Variants in ADGRL3 observed in about 807,000 individuals in gnomAD.
ADGRL3 encodes adhesion G protein-coupled receptor L3.
In ADGRL3, 62 loss-of-function variants were observed where a neutral mutation model predicts 153.5. The observed-to-expected ratio is 0.40, with a 90% confidence interval of 0.33 to 0.50. The LOEUF is 0.50. Among genes scored for constraint, ADGRL3 ranks in the 20% least tolerant of loss-of-function variants. The pLI is 0.47. For missense variants in ADGRL3, 1,641 were observed against 1,859.4 expected (o/e 0.88, Z 2.16); for synonymous variants, 710 against 672.5 (o/e 1.06, Z -0.86).
chr4:61,310,507 T>C (rs1172208070), intron 1 of ADGRL3, among the ~76,000 whole-genome samples: 2 of 152,110 alleles, frequency 1.3e-5, no homozygotes, highest in Non-Finnish European at 2.9e-5. Flanking sequence ...AAGTGATCAA[T>C]CCATTGGGAC....
chr4:61,999,467 A>C (rs920184683), intron 21 of ADGRL3, among the ~76,000 whole-genome samples: 12 of 152,248 alleles, frequency 7.9e-5, no homozygotes, highest in Admixed American at 2.6e-4. Flanking sequence ...ATTTAGATGC[A>C]TATTAGTTAT....
At chr4:62,060,781 T>A (rs1739675203) in intron 25 of ADGRL3, among the ~76,000 whole-genome samples, 1 of 151,928 alleles carries the variant, frequency 6.6e-6, no homozygotes, top group Non-Finnish European at 1.5e-5. Flanking sequence ...AAATACCATA[T>A]ATTTGATTCA....
At chr4:61,812,845 G>T (rs1473377605) in intron 8 of ADGRL3, among the ~76,000 whole-genome samples, 2 of 152,216 alleles carry the variant, frequency 1.3e-5, no homozygotes, top group Middle Eastern at 6.8e-3. Flanking sequence ...AAAATGTTTT[G>T]CAAGGAAGAC....
rs1413402928 is a variant in ADGRL3, at chr4:61,598,424, A to G, written c.473+10984A>G. Among the ~76,000 whole-genome samples the G allele has an allele frequency of 5.9e-5, 9 of 152,344 alleles. No homozygotes were observed. The East Asian group carries it at 1.7e-3, about 29-fold the overall frequency. ...TCAGATACATATCTATACATATGTCATAGCTGTAATTCATTATAAAATAAT... is the reference window on the plus strand; with the variant it reads ...TCAGATACATATCTATACATATGTCGTAGCTGTAATTCATTATAAAATAAT... On this transcript the variant is annotated intron_variant, in intron 5 of 26. Transcript: ENST00000683033.
At chr4:61,498,438 T>G (rs1044624072) in intron 3 of ADGRL3, among the ~76,000 whole-genome samples, 3 of 151,812 alleles carry the variant, frequency 2.0e-5, no homozygotes, top group Admixed American at 2.0e-4. Flanking sequence ...TAGTCCCAGC[T>G]ACTCGGGAGG....
chr4:61,892,747 C>T lies in ADGRL3; in HGVS notation c.1572C>T (p.Thr524=), dbSNP rs1439163673. The part of the protein sequence containing the change: ...TTTLSPGRST[T]PSVSGRRNRS... ...CTTTGAGCCCAGGAAGGAGTACCACCCCGTCAGTGTCAGGAAGAAGAAACC... is the reference window on the plus strand; with the variant it reads ...CTTTGAGCCCAGGAAGGAGTACCACTCCGTCAGTGTCAGGAAGAAGAAACC... The change falls in exon 10 of 27, where the codon ACC becomes ACT. Residue 524 remains threonine, a synonymous_variant. Coordinates refer to ENST00000683033, the MANE Select transcript of ADGRL3 (RefSeq NM_001387552.1). The T allele has an allele frequency of 3.1e-6, 5 of 1,613,832 alleles. No individual in the cohort carries two copies. In the Admixed American group the frequency reaches 6.7e-5, roughly 22 times the overall value.
chr4:61,758,660 G>C (rs1042048038), intron 8 of ADGRL3, among the ~76,000 whole-genome samples: 10 of 152,094 alleles, frequency 6.6e-5, no homozygotes, highest in Non-Finnish European at 1.5e-4. Context: ...CTTTTAATGG[G>C]AGCATTTAGC....
At chr4:61,788,937 T>C (rs1188602388) in intron 8 of ADGRL3, among the ~76,000 whole-genome samples, 1 of 152,126 alleles carries the variant, frequency 6.6e-6, no homozygotes, top group Non-Finnish European at 1.5e-5. Flanking sequence ...TATGGAATCT[T>C]AAATAAAGAT....
Position 61,372,079 on chromosome 4 carries a change from A to G in ADGRL3, c.-239-11045A>G, listed in dbSNP as rs960400194. Among the ~76,000 whole-genome samples, 6 of 152,112 alleles carry G rather than the reference A, an allele frequency of 3.9e-5. No individual in the cohort carries two copies. The East Asian group carries it at 1.2e-3, about 29-fold the overall frequency. Reference sequence around the variant, plus strand: ...TTCTCGAGCCTTGGTTTTCAGCTCCATCAGCTCCTTTAAGCACTTCTCTGT... The same window carrying G: ...TTCTCGAGCCTTGGTTTTCAGCTCCGTCAGCTCCTTTAAGCACTTCTCTGT... On this transcript the variant is annotated intron_variant, in intron 1 of 26. Transcript: ENST00000683033.
intron 5 of ADGRL3, among the ~76,000 whole-genome samples, chr4:61,676,040 CAA>C: frequency 6.6e-6 from 1 of 151,878 alleles, no homozygotes; most frequent in South Asian, 2.1e-4. Context: ...TAAGAACATG[CAA>C]AGTTTGTCTT....
intron 2 of ADGRL3, among the ~76,000 whole-genome samples, chr4:61,440,815 C>T (rs934907982): frequency 6.6e-6 from 1 of 152,080 alleles, no homozygotes; most frequent in Non-Finnish European, 1.5e-5. Flanking sequence ...ATGATGATAA[C>T]GACCATGACA....
At chr4:62,031,402 C>A (rs192767644) in intron 22 of ADGRL3, 40 bp from the exon 23 acceptor site, 30 of 1,488,400 alleles carry the variant, frequency 2.0e-5, no homozygotes, top group Admixed American at 4.0e-5. Flanking sequence ...AATTAAAGAT[C>A]AATTATTTAA....
intron 9 of ADGRL3, among the ~76,000 whole-genome samples, chr4:61,881,346 T>C (rs1267713424): frequency 6.6e-6 from 1 of 152,242 alleles, no homozygotes; most frequent in Non-Finnish European, 1.5e-5. Context: ...CTGTTCACTT[T>C]AAATTTTCTA....
At chr4:61,925,897 T>C (rs1328176818) in intron 13 of ADGRL3, among the ~76,000 whole-genome samples, 2 of 152,168 alleles carry the variant, frequency 1.3e-5, no homozygotes, top group African/African-American at 4.8e-5. Context: ...TGCCATACAA[T>C]TATAGTCATG....
intron 4 of ADGRL3, among the ~76,000 whole-genome samples, chr4:61,574,594 G>A (rs886086516): frequency 6.6e-6 from 1 of 151,778 alleles, no homozygotes; most frequent in Non-Finnish European, 1.5e-5. Context: ...CAAGTTGTCA[G>A]TAAATATGAA....
intron 4 of ADGRL3, among the ~76,000 whole-genome samples, chr4:61,545,053 T>C (rs967978995): frequency 6.6e-6 from 1 of 152,232 alleles, no homozygotes; most frequent in Non-Finnish European, 1.5e-5. Flanking sequence ...ATTAAGTGAA[T>C]CATGCTGATA....
chr4:62,046,027 A>G (rs1029486103), intron 25 of ADGRL3, among the ~76,000 whole-genome samples: 1 of 151,966 alleles, frequency 6.6e-6, no homozygotes, highest in African/African-American at 2.4e-5. Context: ...CAAATTACTT[A>G]CAAACGCCTC....
intron 2 of ADGRL3, among the ~76,000 whole-genome samples, chr4:61,449,431 G>A (rs545430904): frequency 1.3e-5 from 2 of 151,846 alleles, no homozygotes; most frequent in East Asian, 1.9e-4. Flanking sequence ...CACCACGCCC[G>A]GCCTATTTTT....
intron 8 of ADGRL3, among the ~76,000 whole-genome samples, chr4:61,733,844 G>A (rs764308286): frequency 5.3e-5 from 8 of 152,152 alleles, no homozygotes; most frequent in Non-Finnish European, 8.8e-5. Flanking sequence ...GTAGTGAACT[G>A]CACAAAACCA....
Sources: allele counts gnomAD v4.1 joint callset (sites outside exome capture counted in the v4.1 genomes callset), GRCh38; gene constraint gnomAD v4.1.1; transcripts MANE v1.5; gene names NCBI Gene and HGNC (gene_info 2026-07-23, HGNC 2026-07-21).